The following VWA3B variants were observed in gnomAD, a reference collection of about 807,000 sequenced individuals.
VWA3B encodes the protein von Willebrand factor A domain-containing protein 3B.
VWA3B carries 138 observed loss-of-function variants against 158.3 expected under a neutral mutation model. That is an observed-to-expected ratio of 0.87 (90% CI 0.76 to 1.00). VWA3B has a LOEUF of 1.00. VWA3B is among the 50% of genes least tolerant of loss of function. The pLI is 0.00. For synonymous variants in VWA3B, 596 were observed against 587.3 expected (o/e 1.01, Z -0.21); for missense variants, 1,555 against 1,565.1 (o/e 0.99, Z 0.11).
chr2:98,189,932 C>T (rs1002372384), intron 10 of VWA3B, among the ~76,000 whole-genome samples: 1 of 151,950 alleles, frequency 6.6e-6, no homozygotes, highest in Non-Finnish European at 1.5e-5. Flanking sequence ...TTGTCTGCAT[C>T]CTGTATTTAA....
chr2:98,246,446 C>T (rs1398134547), intron 19 of VWA3B, among the ~76,000 whole-genome samples: 3 of 152,038 alleles, frequency 2.0e-5, no homozygotes, highest in Non-Finnish European at 4.4e-5. Flanking sequence ...GGTGCAATCT[C>T]GGCTCACTGC....
chr2:98,150,483 A>G (rs1677532864), intron 7 of VWA3B, among the ~76,000 whole-genome samples: 1 of 152,242 alleles, frequency 6.6e-6, no homozygotes, highest in Admixed American at 6.5e-5. Flanking sequence ...ACTCAGGTTC[A>G]TAGCACCTGC....
At chr2:98,104,553 G>A (rs991877410) in intron 2 of VWA3B, among the ~76,000 whole-genome samples, 1 of 152,116 alleles carries the variant, frequency 6.6e-6, no homozygotes, top group African/African-American at 2.4e-5. Flanking sequence ...CTTCCCATTA[G>A]GCTTCACCTC....
chr2:98,244,021 C>T (rs2105771302), intron 19 of VWA3B, among the ~76,000 whole-genome samples: 1 of 152,268 alleles, frequency 6.6e-6, no homozygotes. Flanking sequence ...ACTAGTTTCT[C>T]AATTTCAAAA....
intron 6 of VWA3B, among the ~76,000 whole-genome samples, chr2:98,129,181 GGAGA>G (rs1286007939): frequency 2.0e-5 from 3 of 151,078 alleles, no homozygotes; most frequent in Non-Finnish European, 4.4e-5. Context: ...CTCACACGGT[GGAGA>G]GAGAGAGTGA....
chr2:98,248,507 G>C (rs1686542458), intron 19 of VWA3B, among the ~76,000 whole-genome samples: 1 of 152,122 alleles, frequency 6.6e-6, no homozygotes, highest in Non-Finnish European at 1.5e-5. Flanking sequence ...GATTCAAAGA[G>C]TGCCTTGATT....
At chr2:98,106,436 G>A (rs541653529) in intron 2 of VWA3B, among the ~76,000 whole-genome samples, 14 of 152,016 alleles carry the variant, frequency 9.2e-5, no homozygotes, top group Non-Finnish European at 1.8e-4. Flanking sequence ...ATTGATAGGA[G>A]TTGCATTAAA....
At chr2:98,168,307 T>G (rs889393711) in intron 8 of VWA3B, among the ~76,000 whole-genome samples, 2 of 152,022 alleles carry the variant, frequency 1.3e-5, no homozygotes, top group African/African-American at 4.8e-5. Flanking sequence ...AGGAAACAGA[T>G]GAGTTATGAG....
intron 7 of VWA3B, among the ~76,000 whole-genome samples, chr2:98,158,936 CACCCACTA>C (rs1678338547): frequency 6.6e-6 from 1 of 152,158 alleles, no homozygotes; most frequent in African/African-American, 2.4e-5. Flanking sequence ...CAATAGGACC[CACCCACTA>C]CAGAGGAGAT....
intron 16 of VWA3B, among the ~76,000 whole-genome samples, chr2:98,233,620 T>A (rs759874370): frequency 1.3e-4 from 20 of 152,208 alleles, no homozygotes; most frequent in Non-Finnish European, 2.2e-4. Flanking sequence ...TACCCTTTTG[T>A]TGCCTAGAAA....
chr2:98,155,292 A>T (rs1052804896), intron 7 of VWA3B, among the ~76,000 whole-genome samples: 34 of 152,348 alleles, frequency 2.2e-4, no homozygotes, highest in African/African-American at 7.5e-4. Context: ...ACGTAGGAAG[A>T]GGTAAGTCTA....
chr2:98,243,348 T>TC lies in VWA3B; in HGVS notation c.2673+6619dup, dbSNP rs1380404523. Among the ~76,000 whole-genome samples the TC allele has an allele frequency of 2.0e-5, 3 of 152,102 alleles. No homozygotes were observed. The East Asian group carries it at 5.8e-4, about 29-fold the overall frequency. ...AAACTGTGAGATGTAATTTTTTTTT[T>TC]CTTGAGATGGAGTCTTGCTCTGTTG... On this transcript the variant is annotated intron_variant, in intron 19 of 27. Coordinates refer to ENST00000477737, the MANE Select transcript of VWA3B (RefSeq NM_144992.5).
Position 98,228,320 on chromosome 2 carries a change from A to G in VWA3B, c.2138A>G (p.Asp713Gly), listed in dbSNP as rs750904160. Residue 713 changes from aspartate to glycine, a missense_variant, in exon 15 of 28, where the codon GAT (aspartate) becomes GGT (glycine). Coordinates refer to ENST00000477737, the MANE Select transcript of VWA3B (RefSeq NM_144992.5). ...IMDWWYNAEK[D>G]GDSKHQKEIC... is the part of the protein sequence containing the mutation. Reference sequence around the variant, plus strand: ...GACTGGTGGTACAATGCAGAAAAGGATGGAGACAGCAAGTGAGCACCTCTG... The same window carrying G: ...GACTGGTGGTACAATGCAGAAAAGGGTGGAGACAGCAAGTGAGCACCTCTG... 3.1e-6 allele frequency: 5 copies of G among 1,613,296 alleles called. No individual in the cohort carries two copies. In the African/African-American group the frequency reaches 5.3e-5, roughly 17 times the overall value.
chr2:98,298,911 G>T (rs890744891), intron 24 of VWA3B, among the ~76,000 whole-genome samples: 2 of 152,238 alleles, frequency 1.3e-5, no homozygotes, highest in African/African-American at 4.8e-5. Flanking sequence ...AGGTGAATTA[G>T]TGCCCTATGT....
chr2:98,140,240 C>T (rs767534042), intron 7 of VWA3B, among the ~76,000 whole-genome samples: 1 of 152,228 alleles, frequency 6.6e-6, no homozygotes, highest in Non-Finnish European at 1.5e-5. Context: ...CCACCAATTC[C>T]GGACACAACC....
At chr2:98,277,667 A>G (rs1193669734) in intron 22 of VWA3B, among the ~76,000 whole-genome samples, 1 of 152,174 alleles carries the variant, frequency 6.6e-6, no homozygotes, top group African/African-American at 2.4e-5. Flanking sequence ...GGGGTGGGGA[A>G]TTGAGTGCTC....
chr2:98,278,000 A>T (rs1688632712), intron 22 of VWA3B, among the ~76,000 whole-genome samples: 1 of 152,042 alleles, frequency 6.6e-6, no homozygotes, highest in Admixed American at 6.6e-5. Flanking sequence ...GGTGTGAGGC[A>T]TTACACCCTA....
At chr2:98,088,184 C>T (rs372651358) in intron 1 of VWA3B, among the ~76,000 whole-genome samples, 1 of 152,336 alleles carries the variant, frequency 6.6e-6, no homozygotes, top group Non-Finnish European at 1.5e-5. Context: ...TTCACAAATT[C>T]ACCTAAATCA....
At chr2:98,107,320 T>C (rs542934134) in intron 2 of VWA3B, among the ~76,000 whole-genome samples, 6 of 152,280 alleles carry the variant, frequency 3.9e-5, no homozygotes, top group African/African-American at 1.4e-4. Flanking sequence ...TGGTTTTGTC[T>C]GGTTTTGGTA....
Sources: gnomAD v4.1 joint callset for allele counts (sites outside exome capture counted in the v4.1 genomes callset) on GRCh38, gnomAD v4.1.1 for gene constraint, MANE v1.5 for transcripts, NCBI Gene and HGNC (gene_info 2026-07-23, HGNC 2026-07-21) for gene names.